Variants in PKD1L3 observed in about 807,000 individuals in gnomAD.
PKD1L3 encodes polycystin-1-like protein 3.
A neutral mutation model predicts 184.1 loss-of-function variants in PKD1L3; 239 were observed. The ratio of observed to expected loss-of-function variants is 1.30; its 90% confidence interval spans 1.17 to 1.45. The LOEUF (loss-of-function observed/expected upper bound fraction) is 1.45. Among genes scored for constraint, PKD1L3 ranks in the 40% most tolerant of loss-of-function variants. The pLI is 0.00. For missense variants in PKD1L3, 2,660 were observed against 2,067.2 expected, an observed-to-expected ratio of 1.29 and a Z score of -5.56; for synonymous variants, 996 against 778.8, an observed-to-expected ratio of 1.28 and a Z score of -4.64.
At chr16:71,940,492 G>GTTTTTTATTTT (rs1449530509) in intron 24 of PKD1L3, among the ~76,000 whole-genome samples, 9 of 151,764 alleles carry the variant, frequency 5.9e-5, no homozygotes, top group African/African-American at 2.2e-4. Flanking sequence ...ACAGAGCTTT[G>GTTTTTTATTTT]TTTTTTATTT....
chr16:71,988,608 G>A (rs2040471184), intron 4 of PKD1L3, among the ~76,000 whole-genome samples: 1 of 152,210 alleles, frequency 6.6e-6, no homozygotes, highest in Non-Finnish European at 1.5e-5. Context: ...AAGTCCTATA[G>A]TCAAAAGCCT....
At chr16:71,968,063 GC>G in intron 13 of PKD1L3, 56 bp from the exon 14 acceptor site, 1 of 1,383,736 alleles carries the variant, frequency 7.2e-7, no homozygotes, top group Non-Finnish European at 1.0e-6. Flanking sequence ...TATAGTTCCT[GC>G]CTCCTCCAGC....
In PKD1L3 at chr16:71,986,314, A is replaced by G. The variant is rs1448411675; in HGVS notation, c.741T>C (p.Ser247=). 5.2e-6 allele frequency: 8 copies of G among 1,551,946 alleles called. No homozygotes were observed. Among genetic ancestry groups the G allele is most frequent in the Non-Finnish European group, 7.0e-6 (8 of 1,147,100 alleles). The change falls in exon 5 of 30, where the codon TCT becomes TCC. Residue 247 remains serine (S), a synonymous_variant. Coordinates refer to ENST00000620267, the MANE Select transcript of PKD1L3 (RefSeq NM_181536.2). The part of the protein sequence containing the change: ...MPVSVTHAGQ[S]LAETTSSPKE... ...TTGGGCTTGAAGTTGTTTCTGCCAGAGATTGCCCAGCATGCGTGACAGACA... is the reference window on the plus strand; with the variant it reads ...TTGGGCTTGAAGTTGTTTCTGCCAGGGATTGCCCAGCATGCGTGACAGACA...
intron 5 of PKD1L3, among the ~76,000 whole-genome samples, chr16:71,985,515 C>A (rs2040323392): frequency 6.6e-6 from 1 of 152,148 alleles, no homozygotes; most frequent in South Asian, 2.1e-4. Flanking sequence ...ACCTCCCAGG[C>A]TCAAGCAACC....
chr16:71,943,014 G>T lies in PKD1L3; in HGVS notation c.3870C>A (p.Leu1290=). The stretch of plus-strand genomic sequence containing the variant: ...TTGCAGTCATCAACAGGGTAAGGAA[G>T]AGGATTTGTACTTGTTTAGAAGAGG... ...KLTGDILVQI[L]FLTLLMTAIY... is the part of the protein sequence containing the mutation. Residue 1290 remains leucine, a synonymous_variant, in exon 24 of 30, where the codon CTC becomes CTA. Transcript: ENST00000620267. 6.5e-7 allele frequency: 1 copy of T among 1,549,548 alleles called. No homozygotes were observed. Among genetic ancestry groups the T allele is most frequent in the South Asian group, 1.2e-5 (1 of 83,980 alleles).
At chr16:71,933,333 C>T (rs879109968) in intron 28 of PKD1L3, 87 bp downstream of exon 28, 4 of 939,232 alleles carry the variant, frequency 4.3e-6, no homozygotes, top group Non-Finnish European at 6.8e-6. Context: ...GTGCAGTGTA[C>T]AGTAGGGGGC....
At chr16:71,997,578 A>G (rs1376499187) in intron 2 of PKD1L3, among the ~76,000 whole-genome samples, 4 of 152,008 alleles carry the variant, frequency 2.6e-5, no homozygotes, top group Non-Finnish European at 1.5e-5. Flanking sequence ...GAGAAACCCC[A>G]TCTCTACTAA....
In PKD1L3 at chr16:71,973,341, T is replaced by C. The variant is rs998102497; in HGVS notation, c.1936A>G (p.Ser646Gly). The C allele has an allele frequency of 2.6e-6, 4 of 1,551,660 alleles. No homozygotes were observed. The highest frequency in any genetic ancestry group is 3.9e-5 in the Admixed American group (2 of 50,994). Reference protein sequence around the residue: ...YYWEIHNQTWSSAGCQVGPQS... With the variant: ...YYWEIHNQTWGSAGCQVGPQS... ...TTTCTTACTTGGCATCCGGCGCTGCTCCATGTCTGGTTGTGGATCTCCCAG... is the reference window on the plus strand; with the variant it reads ...TTTCTTACTTGGCATCCGGCGCTGCCCCATGTCTGGTTGTGGATCTCCCAG... The change falls in exon 12 of 30, where the codon AGC becomes GGC. Residue 646 changes from serine (S) to glycine (G), a missense_variant. Transcript: ENST00000620267.
At chr16:71,990,351 C>T in intron 3 of PKD1L3, 22 bp from the exon 4 acceptor site, 1 of 1,532,534 alleles carries the variant, frequency 6.5e-7, no homozygotes, top group Admixed American at 2.0e-5. Context: ...AGAAAGCAGA[C>T]TAAGTTCAAG....
chr16:71,968,479 G>T (rs1331580490), intron 13 of PKD1L3, among the ~76,000 whole-genome samples: 2 of 152,148 alleles, frequency 1.3e-5, no homozygotes, highest in African/African-American at 4.8e-5. Flanking sequence ...AACACTTGGC[G>T]TATTCTAGAA....
rs199518982 is a variant in PKD1L3, at chr16:71,953,400, A to AAGAGATTTAATTGACTCAC, written c.2810-308_2810-307insGTGAGTCAATTAAATCTCT. Among the ~76,000 whole-genome samples the AAGAGATTTAATTGACTCAC allele has an allele frequency of 8.0e-4, 121 of 151,924 alleles. 2 individuals are homozygous for AAGAGATTTAATTGACTCAC. Among genetic ancestry groups the AAGAGATTTAATTGACTCAC allele is most frequent in the African/African-American group, 2.7e-3 (113 of 41,444 alleles). ...CTGAGACTGGGTAATTTATAAAGAA[A>AAGAGATTTAATTGACTCAC]AGTTCTTCATGGCTGGGGAGGCCTC... On this transcript the variant is annotated intron_variant, in intron 17 of 29. Transcript: ENST00000620267.
At position 72,000,118 on chromosome 16, in the gene PKD1L3, G is replaced by C; in HGVS notation, c.-140C>G. On this transcript the variant is annotated 5_prime_UTR_variant, in exon 1 of 30. Transcript: ENST00000620267. ...ATTTACCAAGGATACAAAAGGTTTT[G>C]TTTTGAGGACCCAGGTGCAGGTCCT... 1 of 701,886 alleles carries C rather than the reference G, an allele frequency of 1.4e-6. No homozygotes were observed. Among genetic ancestry groups the C allele is most frequent in the Non-Finnish European group, 2.1e-6 (1 of 475,914 alleles). 43.5% of individuals were successfully genotyped at this position (701,886 alleles called of 1,614,324 possible).
At chr16:71,999,125 GT>G (rs1257620342) in intron 1 of PKD1L3, among the ~76,000 whole-genome samples, 2 of 151,956 alleles carry the variant, frequency 1.3e-5, no homozygotes, top group African/African-American at 2.4e-5. Context: ...CAAAAAATTA[GT>G]CGGGCGTGGT....
intron 2 of PKD1L3, among the ~76,000 whole-genome samples, chr16:71,996,502 C>G (rs1386522863): frequency 6.6e-6 from 1 of 152,052 alleles, no homozygotes; most frequent in East Asian, 1.9e-4. Flanking sequence ...CCTCGTGATC[C>G]ACCCGCCTTG....
At chr16:71,992,851 C>G (rs2040643419) in intron 3 of PKD1L3, among the ~76,000 whole-genome samples, 1 of 152,160 alleles carries the variant, frequency 6.6e-6, no homozygotes, top group African/African-American at 2.4e-5. Context: ...GCCGTCATTT[C>G]AGGCTAATGC....
rs1000723335 is a variant in PKD1L3 at position 71,949,783 on chromosome 16, C to A, written c.3618G>T (p.Lys1206Asn). Residue 1206 changes from lysine to asparagine, a missense_variant and splice_region_variant, in exon 21 of 30, where the codon AAG (lysine) becomes AAT (asparagine). Transcript: ENST00000620267. The part of the protein sequence containing the change: ...LQNIFISQPV[K>N]VVFFTFLYSL... The stretch of plus-strand genomic sequence containing the variant: ...ATGGTTCTTCCCATCCCTCACATAC[C>A]TTTACTGGCTGGCTGATGAAGATGT... 1.9e-6 allele frequency: 3 copies of A among 1,549,382 alleles called. No individual in the cohort carries two copies. Among genetic ancestry groups the A allele is most frequent in the Non-Finnish European group, 2.6e-6 (3 of 1,146,004 alleles).
At chr16:71,996,581 C>T (rs776929177) in intron 2 of PKD1L3, among the ~76,000 whole-genome samples, 16 of 152,120 alleles carry the variant, frequency 1.1e-4, no homozygotes, top group South Asian at 2.1e-4. Flanking sequence ...TTTATAGCGA[C>T]GCCTACTTCC....
intron 24 of PKD1L3, among the ~76,000 whole-genome samples, chr16:71,939,002 T>C (rs988356886): frequency 1.3e-5 from 2 of 152,198 alleles, no homozygotes; most frequent in African/African-American, 4.8e-5. Context: ...CTGTGGCCCT[T>C]TGGGGGAGCC....
At chr16:71,957,933 A>G (rs1383221110) in intron 16 of PKD1L3, among the ~76,000 whole-genome samples, 1 of 152,256 alleles carries the variant, frequency 6.6e-6, no homozygotes, top group African/African-American at 2.4e-5. Flanking sequence ...TTACAAGCCA[A>G]GTGGAAGTGT....
Sources: allele counts gnomAD v4.1 joint callset (sites outside exome capture counted in the v4.1 genomes callset), GRCh38; gene constraint gnomAD v4.1.1; transcripts MANE v1.5; gene names NCBI Gene and HGNC (gene_info 2026-07-23, HGNC 2026-07-21).